Variants in NAALADL2 observed in about 807,000 individuals in gnomAD.
NAALADL2 encodes the protein inactive N-acetylated-alpha-linked acidic dipeptidase-like protein 2.
In NAALADL2, 76 loss-of-function variants were observed where a neutral mutation model predicts 87.2. The ratio of observed to expected loss-of-function variants is 0.87; its 90% CI spans 0.72 to 1.05. NAALADL2 has a LOEUF of 1.05. Ranked by LOEUF, NAALADL2 falls within the 50% of genes least tolerant of loss-of-function variation. The probability of loss-of-function intolerance (pLI) is 0.00; values close to 1 mark genes in which losing one functional copy is unlikely to be tolerated. For missense variants in NAALADL2, 1,089 were observed against 945.8 expected (o/e 1.15, Z -1.99); for synonymous variants, 354 against 331.0 (o/e 1.07, Z -0.75).
intron 11 of NAALADL2, among the ~76,000 whole-genome samples, chr3:175,669,941 T>C (rs1339066795): frequency 6.6e-6 from 1 of 152,016 alleles, no homozygotes; most frequent in Non-Finnish European, 1.5e-5. Flanking sequence ...GTCTGTTATT[T>C]AAAACACCCC....
intron 3 of NAALADL2, among the ~76,000 whole-genome samples, chr3:174,799,847 C>G (rs181129573): frequency 6.6e-6 from 1 of 152,160 alleles, no homozygotes; most frequent in Non-Finnish European, 1.5e-5. Flanking sequence ...ATATAAGGTC[C>G]AGGATGAGGT....
intron 9 of NAALADL2, among the ~76,000 whole-genome samples, chr3:175,566,210 G>C (rs750442803): frequency 2.0e-5 from 3 of 152,124 alleles, no homozygotes; most frequent in Non-Finnish European, 4.4e-5. Flanking sequence ...GTAACATATA[G>C]TTCAGAGGGA....
chr3:174,770,117 C>T (rs1392692203), intron 3 of NAALADL2, among the ~76,000 whole-genome samples: 1 of 152,152 alleles, frequency 6.6e-6, no homozygotes, highest in Non-Finnish European at 1.5e-5. Context: ...CTTACAGACA[C>T]TCATGTACAC....
intron 2 of NAALADL2, among the ~76,000 whole-genome samples, chr3:174,605,772 C>G (rs1718977758): frequency 6.6e-6 from 1 of 152,202 alleles, no homozygotes; most frequent in Non-Finnish European, 1.5e-5. Context: ...GCAGTAACCT[C>G]TGCAGACTTA....
chr3:174,640,861 G>C (rs185331605), intron 2 of NAALADL2, among the ~76,000 whole-genome samples: 1 of 152,170 alleles, frequency 6.6e-6, no homozygotes, highest in African/African-American at 2.4e-5. Context: ...TGAGAGCATG[G>C]ACTCCGGTTT....
At chr3:174,806,649 C>A (rs923776888) in intron 3 of NAALADL2, among the ~76,000 whole-genome samples, 16 of 152,308 alleles carry the variant, frequency 1.1e-4, no homozygotes, top group Admixed American at 9.2e-4. Context: ...ATAATAATTA[C>A]CTGGAATGTG....
chr3:175,013,303 T>TATTA lies in NAALADL2; in HGVS notation c.44-83487_44-83486insATTA, dbSNP rs1560476455. On this transcript the variant is annotated intron_variant, in intron 1 of 13. Transcript: ENST00000454872. ...CATATATATATATATATATATATAT[T>TATTA]TTTTTTTTTTTTTGAGACAGGGTCT... Among the ~76,000 whole-genome samples, 306 of 101,048 alleles carry TATTA rather than the reference T, an allele frequency of 3.0e-3. 10 individuals are homozygous for TATTA. Among genetic ancestry groups the TATTA allele is most frequent in the African/African-American group, 0.012 (290 of 23,874 alleles). The allele number at this position is 101,048 out of a possible 152,430, so 66.3% of individuals were successfully genotyped here. A position where few individuals can be genotyped will look rare whatever the true frequency, so the allele number is the denominator to read the frequency against.
intron 4 of NAALADL2, among the ~76,000 whole-genome samples, chr3:175,314,666 CTATATATATATATATATATATA>C (rs60572633): frequency 0.13 from 4,121 of 30,732 alleles, 260 homozygotes; most frequent in African/African-American, 0.23. Context: ...ATAGTTCTAA[CTATATATATATATATATATATA>C]TATATATATA....
rs532915092 is a variant in NAALADL2, at chr3:174,754,255, T to C, written c.-9+16509T>C. The stretch of plus-strand genomic sequence containing the variant: ...TCTGTATTTTCTTTAAATATGCATA[T>C]ATGTTTTAAAAATGCATATCAGGAA... On this transcript the variant is annotated intron_variant, in intron 3 of 3. Transcript: ENST00000434257. Among the ~76,000 whole-genome samples, 6 of 137,036 alleles carry C rather than the reference T, an allele frequency of 4.4e-5. No homozygotes were observed. In the South Asian group the frequency reaches 1.5e-3, roughly 34 times the overall value. The allele number at this position is 137,036 out of a possible 152,430, so 89.9% of individuals were successfully genotyped here.
intron 1 of NAALADL2, among the ~76,000 whole-genome samples, chr3:174,486,623 G>C (rs1052637966): frequency 6.6e-6 from 1 of 151,960 alleles, no homozygotes; most frequent in African/African-American, 2.4e-5. Flanking sequence ...TTCTCTGATG[G>C]ATCTAAGAGG....
intron 10 of NAALADL2, among the ~76,000 whole-genome samples, chr3:175,591,850 T>TAAC (rs956298894): frequency 2.0e-5 from 3 of 149,374 alleles, no homozygotes; most frequent in Non-Finnish European, 4.4e-5. Flanking sequence ...TTTATATATA[T>TAAC]AACATTGTCA....
chr3:175,690,734 C>A (rs1215648734), intron 11 of NAALADL2, among the ~76,000 whole-genome samples: 2 of 151,842 alleles, frequency 1.3e-5, no homozygotes, highest in African/African-American at 4.8e-5. Context: ...AATTTTCTGG[C>A]AATTGAAGGA....
At chr3:175,309,912 G>T (rs1758159182) in intron 4 of NAALADL2, among the ~76,000 whole-genome samples, 1 of 152,136 alleles carries the variant, frequency 6.6e-6, no homozygotes, top group African/African-American at 2.4e-5. Flanking sequence ...GTCATGCCCA[G>T]CATGTCTCTC....
At chr3:175,668,841 T>C (rs1188517544) in intron 11 of NAALADL2, among the ~76,000 whole-genome samples, 1 of 152,132 alleles carries the variant, frequency 6.6e-6, no homozygotes, top group Non-Finnish European at 1.5e-5. Context: ...CAGTCTTACA[T>C]GTTTGTGTAT....
intron 3 of NAALADL2, among the ~76,000 whole-genome samples, chr3:174,767,625 C>T (rs559433286): frequency 1.3e-5 from 2 of 152,212 alleles, no homozygotes; most frequent in Middle Eastern, 6.8e-3. Context: ...AGTAATGGGG[C>T]CATGGCTTAC....
intron 5 of NAALADL2, among the ~76,000 whole-genome samples, chr3:175,441,173 A>G (rs1037470434): frequency 2.6e-5 from 4 of 152,128 alleles, no homozygotes; most frequent in African/African-American, 9.7e-5. Flanking sequence ...AACTAACTAC[A>G]GATTGAAAGT....
chr3:175,096,466 A>G (rs1387962261), intron 1 of NAALADL2, among the ~76,000 whole-genome samples: 1 of 149,504 alleles, frequency 6.7e-6, no homozygotes, highest in Non-Finnish European at 1.5e-5. Flanking sequence ...GACTGTTGTT[A>G]TTCTCCTGAG....
intron 10 of NAALADL2, among the ~76,000 whole-genome samples, chr3:175,592,121 T>A (rs73884448): frequency 0.014 from 2,182 of 152,140 alleles, 53 homozygotes; most frequent in African/African-American, 0.049. Context: ...GTTGATTGGC[T>A]ACCCATAGAA....
intron 2 of NAALADL2, among the ~76,000 whole-genome samples, chr3:174,627,721 G>C (rs528523852): frequency 2.0e-5 from 3 of 152,230 alleles, no homozygotes; most frequent in African/African-American, 7.2e-5. Context: ...TTAAAAATGT[G>C]GTATGTGTAG....
Sources: gnomAD v4.1 joint callset for allele counts (sites outside exome capture counted in the v4.1 genomes callset) on GRCh38, gnomAD v4.1.1 for gene constraint, MANE v1.5 for transcripts, NCBI Gene and HGNC (gene_info 2026-07-23, HGNC 2026-07-21) for gene names.